The following MYO5B variants were observed in gnomAD, a reference collection of about 807,000 sequenced individuals.
The protein encoded by MYO5B is myosin VB.
A neutral mutation model predicts 229.3 loss-of-function variants in MYO5B; 143 were observed. The ratio of observed to expected loss-of-function variants is 0.62; its 90% confidence interval spans 0.54 to 0.72. The LOEUF is 0.72. Among genes scored for constraint, MYO5B ranks in the 30% least tolerant of loss-of-function variants. The pLI is 0.00. For missense variants in MYO5B, 2,321 were observed against 2,331.0 expected (o/e 1.00, Z 0.09); for synonymous variants, 918 against 885.2 (o/e 1.04, Z -0.66).
At position 49,863,232 on chromosome 18, in the gene MYO5B, T is replaced by G. The variant is rs1345967418; in HGVS notation, c.3939A>C (p.Thr1313=). 6.2e-7 allele frequency: 1 copy of G among 1,612,702 alleles called. No individual in the cohort carries two copies. Among genetic ancestry groups the G allele is most frequent in the South Asian group, 1.1e-5 (1 of 90,998 alleles). ...AIEAYHGVCQ[T]NSKTEDWGYL... is the part of the protein sequence containing the mutation. The stretch of plus-strand genomic sequence containing the variant: ...TTTGACCGCGGCGGCCTTACCTGTT[T>G]GTCTGGCAGACCCCGTGATAGGCCT... The change falls in exon 29 of 40, where the codon ACA becomes ACC. Residue 1313 remains threonine (T), a synonymous_variant. Coordinates refer to ENST00000285039, the MANE Select transcript of MYO5B (RefSeq NM_001080467.3).
At chr18:49,956,740 G>A (rs1357001624) in intron 12 of MYO5B, among the ~76,000 whole-genome samples, 2 of 152,094 alleles carry the variant, frequency 1.3e-5, no homozygotes, top group Non-Finnish European at 2.9e-5. Context: ...CCAGGAGCCG[G>A]GACCATAGCT....
intron 18 of MYO5B, among the ~76,000 whole-genome samples, 180 bp from the exon 19 acceptor site, chr18:49,906,810 G>T (rs2024905277): frequency 6.6e-6 from 1 of 152,206 alleles, no homozygotes; most frequent in African/African-American, 2.4e-5. Context: ...CTACGGGCCA[G>T]ACTCTAGAAC....
chr18:50,055,481 C>T, intron 1 of MYO5B, 103 bp from the exon 2 acceptor site: 2 of 861,352 alleles, frequency 2.3e-6, no homozygotes, highest in Non-Finnish European at 3.9e-6. Flanking sequence ...ACTTCTAAAG[C>T]TATCTGCACA....
intron 16 of MYO5B, among the ~76,000 whole-genome samples, chr18:49,935,715 C>T (rs566032497): frequency 5.9e-5 from 9 of 152,206 alleles, no homozygotes; most frequent in Non-Finnish European, 1.0e-4. Context: ...TGGACAGAAC[C>T]GGAACAAAGT....
intron 22 of MYO5B, among the ~76,000 whole-genome samples, chr18:49,888,237 C>T (rs532012576): frequency 8.5e-5 from 13 of 152,218 alleles, no homozygotes; most frequent in African/African-American, 2.6e-4. Context: ...TGGCTTCTAC[C>T]CACTAGATGC....
chr18:50,052,615 T>C (rs952682976), intron 2 of MYO5B, among the ~76,000 whole-genome samples: 4 of 146,898 alleles, frequency 2.7e-5, no homozygotes, highest in Non-Finnish European at 6.0e-5. Flanking sequence ...AATTGATGAG[T>C]TAATGGGTAC....
At chr18:49,997,593 A>G (rs1248143510) in intron 5 of MYO5B, among the ~76,000 whole-genome samples, 2 of 151,844 alleles carry the variant, frequency 1.3e-5, no homozygotes, top group Non-Finnish European at 1.5e-5. Flanking sequence ...TTGATTATCA[A>G]TGTTCTTTTA....
chr18:49,905,530 C>T (rs1283330651), intron 19 of MYO5B, among the ~76,000 whole-genome samples: 1 of 152,210 alleles, frequency 6.6e-6, no homozygotes, highest in East Asian at 1.9e-4. Flanking sequence ...CCTTGGAAAT[C>T]ATTCAGCAAA....
chr18:49,850,314 G>A (rs879363364), intron 31 of MYO5B: 6 of 155,896 alleles, frequency 3.8e-5, no homozygotes, highest in Non-Finnish European at 7.1e-5. Flanking sequence ...CACTAGAGCC[G>A]GCTTCGGTGA....
At chr18:50,103,655 G>A (rs2031697353) in intron 1 of MYO5B, among the ~76,000 whole-genome samples, 1 of 152,088 alleles carries the variant, frequency 6.6e-6, no homozygotes, top group African/African-American at 2.4e-5. Context: ...CTGAGAGGAT[G>A]GCTTGAGCCC....
chr18:49,861,021 A>G (rs2024322577), intron 29 of MYO5B, among the ~76,000 whole-genome samples: 1 of 152,156 alleles, frequency 6.6e-6, no homozygotes, highest in Non-Finnish European at 1.5e-5. Flanking sequence ...TCCCAAAGCT[A>G]AAGGCCAGAC....
chr18:49,919,253 G>A (rs1165035264), intron 17 of MYO5B, among the ~76,000 whole-genome samples: 1 of 151,724 alleles, frequency 6.6e-6, no homozygotes, highest in African/African-American at 2.4e-5. Flanking sequence ...GTTAGTCTTT[G>A]TGACCTTGGG....
chr18:50,160,547 T>C (rs2032749807), intron 1 of MYO5B, among the ~76,000 whole-genome samples: 1 of 152,184 alleles, frequency 6.6e-6, no homozygotes, highest in African/African-American at 2.4e-5. Context: ...CAGCCGACTG[T>C]GTTCCTGGGG....
intron 30 of MYO5B, among the ~76,000 whole-genome samples, chr18:49,854,535 G>A (rs188643935): frequency 2.0e-5 from 3 of 152,318 alleles, no homozygotes; most frequent in East Asian, 1.9e-4. Flanking sequence ...CCAGCTTTCC[G>A]ATTCAGTGCA....
chr18:50,030,916 A>AAAAAAAAAG, intron 4 of MYO5B, among the ~76,000 whole-genome samples: 1 of 124,104 alleles, frequency 8.1e-6, no homozygotes, highest in Non-Finnish European at 1.7e-5. Context: ...AAAAAAAAAA[A>AAAAAAAAAG]GCACAAATAA....
At chr18:49,899,009 G>A (rs922097476) in intron 21 of MYO5B, among the ~76,000 whole-genome samples, 14 of 152,138 alleles carry the variant, frequency 9.2e-5, no homozygotes, top group African/African-American at 3.1e-4. Context: ...GATCTCAGGC[G>A]AATCCCCTTG....
chr18:50,106,841 G>A (rs964402744), intron 1 of MYO5B, among the ~76,000 whole-genome samples: 2 of 152,194 alleles, frequency 1.3e-5, no homozygotes, highest in African/African-American at 2.4e-5. Context: ...AAGGCTTGCC[G>A]ATAGATAATT....
chr18:50,180,305 C>T (rs984323895), intron 1 of MYO5B, among the ~76,000 whole-genome samples: 1 of 152,174 alleles, frequency 6.6e-6, no homozygotes, highest in Non-Finnish European at 1.5e-5. Flanking sequence ...ATGTGGCTAT[C>T]AGCAACTAAT....
intron 6 of MYO5B, among the ~76,000 whole-genome samples, chr18:49,991,860 GA>G (rs1468749114): frequency 3.3e-5 from 5 of 152,108 alleles, no homozygotes; most frequent in African/African-American, 4.8e-5. Context: ...TATTTGAAAA[GA>G]AAACTAAGTA....
Sources: gnomAD v4.1 joint callset for allele counts (sites outside exome capture counted in the v4.1 genomes callset) on GRCh38, gnomAD v4.1.1 for gene constraint, MANE v1.5 for transcripts, NCBI Gene and HGNC (gene_info 2026-07-23, HGNC 2026-07-21) for gene names.